Variants in INPP1 observed in about 807,000 individuals in gnomAD.
INPP1 encodes the protein inositol polyphosphate 1-phosphatase.
In INPP1, 18 loss-of-function variants were observed where a neutral mutation model predicts 23.0. The ratio of observed to expected loss-of-function variants is 0.78; its 90% CI spans 0.54 to 1.16. INPP1 has a LOEUF of 1.16. INPP1 is among the 50% of genes most tolerant of loss of function. The pLI is 0.00. For missense variants in INPP1, 448 were observed against 482.1 expected (o/e 0.93, Z 0.66); for synonymous variants, 164 against 176.3 (o/e 0.93, Z 0.55).
chr2:190,347,090 C>G (rs578080834), intron 1 of INPP1, among the ~76,000 whole-genome samples: 71 of 147,226 alleles, frequency 4.8e-4, no homozygotes, highest in African/African-American at 1.8e-3. Context: ...CGGCTCACAG[C>G]AACCTCTGCC....
In INPP1 at chr2:190,346,880, C is replaced by T. The variant is rs187932338; in HGVS notation, c.-208-2008C>T. On this transcript the variant is annotated intron_variant, in intron 1 of 6. Coordinates refer to ENST00000392329, the MANE Select transcript of INPP1 (RefSeq NM_001128928.2). This position sits in a 1 kb window ranked among gnomAD's most constrained non-coding sequence, Gnocchi z 5.1. ...TCAGCCTCCCAAAATGCTGGGACTA[C>T]AGGTGTGAGCTGCTGCACCCAGCCT... Among the ~76,000 whole-genome samples the T allele has an allele frequency of 3.0e-4, 45 of 152,208 alleles. No homozygotes were observed. The highest frequency in any genetic ancestry group is 2.6e-4 in the African/African-American group (11 of 41,530).
rs1384459478 is a variant in INPP1 at position 190,371,193 on chromosome 2, ATAG to A, written c.995_997del (p.Val332del). ...CATACTGAGGGCCATGGGTGGGGGA[ATAG>A]TAGACTTGAAAGAATGCTTAGAAAG... On this transcript the variant is annotated inframe_deletion, in exon 7 of 7. Coordinates refer to ENST00000392329, the MANE Select transcript of INPP1 (RefSeq NM_001128928.2). This position sits in a 1 kb window ranked among gnomAD's most constrained non-coding sequence, Gnocchi z 5.3. 48 of 1,613,878 alleles carry A rather than the reference ATAG, an allele frequency of 3.0e-5. No homozygotes were observed. Among genetic ancestry groups the A allele is most frequent in the Non-Finnish European group, 3.1e-5 (37 of 1,179,860 alleles).
chr2:190,364,350 T>C (rs1689595191), intron 4 of INPP1, among the ~76,000 whole-genome samples: 1 of 151,940 alleles, frequency 6.6e-6, no homozygotes, highest in African/African-American at 2.4e-5. Context: ...CCATCCTGGC[T>C]AACACGGTGA....
intron 1 of INPP1, among the ~76,000 whole-genome samples, chr2:190,344,477 C>T (rs1447088324): frequency 1.3e-5 from 2 of 152,176 alleles, no homozygotes; most frequent in Non-Finnish European, 2.9e-5. Context: ...CAGTGACCTA[C>T]TTGATGAGTG....
rs904678853 is a variant in INPP1 at position 190,368,565 on chromosome 2, C to T, written c.467-538C>T. 24 of 152,260 alleles carry T rather than the reference C, an allele frequency of 1.6e-4. No homozygotes were observed. The highest frequency in any genetic ancestry group is 5.3e-4 in the African/African-American group (22 of 41,534). The allele number at this position is 152,260 out of a possible 1,614,324, so 9.4% of individuals were successfully genotyped here. A position where few individuals can be genotyped will look rare whatever the true frequency, so the allele number is the denominator to read the frequency against. ...ACACAGGCACACAATGTGAGATAAG[C>T]ACATCATAGAGAATGGGGTATCCAT... is the stretch of plus-strand genomic sequence containing the variant. On this transcript the variant is annotated intron_variant, in intron 5 of 6. Transcript: ENST00000392329. This position sits in a 1 kb window ranked among gnomAD's most constrained non-coding sequence, Gnocchi z 4.3.
rs1180491191 is a variant in INPP1, at chr2:190,345,605, C to T, written c.-209+1644C>T. 6.6e-6 allele frequency: 1 copy of T among 152,058 alleles called. No homozygotes were observed. The highest frequency in any genetic ancestry group is 1.5e-5 in the Non-Finnish European group (1 of 68,006). 9.4% of individuals were successfully genotyped at this position (152,058 alleles called of 1,614,324 possible). On this transcript the variant is annotated intron_variant, in intron 1 of 6. Coordinates refer to ENST00000392329, the MANE Select transcript of INPP1 (RefSeq NM_001128928.2). This position sits in a 1 kb window ranked among gnomAD's most constrained non-coding sequence, Gnocchi z 4.9. Reference sequence around the variant, plus strand: ...GGATGGTGTATATAAGCACTTTTTCCCGATGTGAGTCCTTATGAATGTTCT... The same window carrying T: ...GGATGGTGTATATAAGCACTTTTTCTCGATGTGAGTCCTTATGAATGTTCT...
Position 190,367,159 on chromosome 2 carries a change from A to G in INPP1, c.466+264A>G, listed in dbSNP as rs1689697235. Among the ~76,000 whole-genome samples, 1 of 152,196 alleles carries G rather than the reference A, an allele frequency of 6.6e-6. No homozygotes were observed. Among genetic ancestry groups the G allele is most frequent in the African/African-American group, 2.4e-5 (1 of 41,430 alleles). On this transcript the variant is annotated intron_variant, in intron 5 of 6. Coordinates refer to ENST00000392329, the MANE Select transcript of INPP1 (RefSeq NM_001128928.2). The surrounding 1 kb of genome is among the most constrained non-coding windows in gnomAD (Gnocchi z 4.1). ...TACACACACATACATACAGGCACAC[A>G]TGCAAAGATGAATTAACTTCTCTTC...
In INPP1 at chr2:190,352,840, A is replaced by G. The variant is rs1689347290; in HGVS notation, c.-65+3809A>G. ...AGAAACACCTTCTTGTAAAACACCC[A>G]GATATTTCACGGAAGCTTGGCCTTT... On this transcript the variant is annotated intron_variant, in intron 2 of 6. Transcript: ENST00000392329. The surrounding 1 kb of genome is among the most constrained non-coding windows in gnomAD (Gnocchi z 4.7). Among the ~76,000 whole-genome samples the G allele has an allele frequency of 6.6e-6, 1 of 152,222 alleles. No homozygotes were observed. The highest frequency in any genetic ancestry group is 1.5e-5 in the Non-Finnish European group (1 of 68,042).
intron 6 of INPP1, among the ~76,000 whole-genome samples, chr2:190,369,931 T>C (rs1386816347): frequency 1.3e-5 from 2 of 152,232 alleles, no homozygotes; most frequent in Non-Finnish European, 2.9e-5. Flanking sequence ...TTCACTTATA[T>C]AGGATTACAT....
chr2:190,366,039 C>G (rs1232695842), intron 4 of INPP1, among the ~76,000 whole-genome samples: 1 of 117,452 alleles, frequency 8.5e-6, no homozygotes, highest in African/African-American at 3.6e-5. Flanking sequence ...CGCTCTCTGT[C>G]TCACTCTTTT....
intron 1 of INPP1, among the ~76,000 whole-genome samples, chr2:190,344,797 T>C (rs1310190170): frequency 6.6e-6 from 1 of 152,236 alleles, no homozygotes; most frequent in African/African-American, 2.4e-5. Flanking sequence ...GTTTGCCCAC[T>C]GTATGATGGT....
At position 190,371,452 on chromosome 2, in the gene INPP1, T is replaced by C; in HGVS notation, c.*50T>C. On this transcript the variant is annotated 3_prime_UTR_variant, in exon 7 of 7. Transcript: ENST00000392329. The surrounding 1 kb of genome is among the most constrained non-coding windows in gnomAD (Gnocchi z 5.3). ...GTATAAACTGAACTGTGAAACTGTTTCGGTTATCTCTGTCTTTTGAGGATG... is the reference window on the plus strand; with the variant it reads ...GTATAAACTGAACTGTGAAACTGTTCCGGTTATCTCTGTCTTTTGAGGATG... 1.4e-6 allele frequency: 2 copies of C among 1,386,572 alleles called. No individual in the cohort carries two copies. Among genetic ancestry groups the C allele is most frequent in the African/African-American group, 1.4e-5 (1 of 69,240 alleles). 85.9% of individuals were successfully genotyped at this position (1,386,572 alleles called of 1,614,324 possible).
chr2:190,366,708 C>A lies in INPP1; in HGVS notation c.279C>A (p.Thr93=). 1.2e-6 allele frequency: 2 copies of A among 1,611,946 alleles called. No individual in the cohort carries two copies. The highest frequency in any genetic ancestry group is 1.7e-6 in the Non-Finnish European group (2 of 1,178,098). ...GCTTTACCCTAGGGGAAAAGATTAC[C>A]TTGAGGTTGTGTTCAACAGAGGAGG... The part of the protein sequence containing the change: ...EFTNDWGEKI[T]LRLCSTEEET... The change falls in exon 5 of 7, where the codon ACC becomes ACA. Residue 93 remains threonine (T), a synonymous_variant. Coordinates refer to ENST00000392329, the MANE Select transcript of INPP1 (RefSeq NM_001128928.2).
intron 2 of INPP1, among the ~76,000 whole-genome samples, chr2:190,358,570 C>T (rs1350140646): frequency 6.6e-6 from 1 of 152,172 alleles, no homozygotes; most frequent in East Asian, 1.9e-4. Context: ...AATAAATAGC[C>T]TGGGCTTGTG....
chr2:190,361,262 T>C (rs55927088), intron 3 of INPP1, among the ~76,000 whole-genome samples: 2,048 of 152,350 alleles, frequency 0.013, 58 homozygotes, highest in African/African-American at 0.045. Context: ...TTATATTGCC[T>C]TTTATATGAT....
In INPP1 at chr2:190,367,471, T is replaced by C. The variant is rs1447474257; in HGVS notation, c.466+576T>C. On this transcript the variant is annotated intron_variant, in intron 5 of 6. Coordinates refer to ENST00000392329, the MANE Select transcript of INPP1 (RefSeq NM_001128928.2). This position sits in a 1 kb window ranked among gnomAD's most constrained non-coding sequence, Gnocchi z 4.1. ...AGCTGAATGTGACGCATGAGCAGTT[T>C]GTGAGCCCTGCATGAGCTCTACATT... 6.6e-6 allele frequency among the ~76,000 whole-genome samples: 1 copy of C among 152,264 alleles called. No homozygotes were observed. Among genetic ancestry groups the C allele is most frequent in the Non-Finnish European group, 1.5e-5 (1 of 68,044 alleles).
rs1689722993 is a variant in INPP1 at position 190,368,209 on chromosome 2, T to C, written c.467-894T>C. On this transcript the variant is annotated intron_variant, in intron 5 of 6. Coordinates refer to ENST00000392329, the MANE Select transcript of INPP1 (RefSeq NM_001128928.2). The surrounding 1 kb of genome is among the most constrained non-coding windows in gnomAD (Gnocchi z 4.3). The stretch of plus-strand genomic sequence containing the variant: ...GGTTCCACCCTGAATTGATTCTGTT[T>C]TTGAGCTCTTTGAGTCTTTTGCCAG... Among the ~76,000 whole-genome samples the C allele has an allele frequency of 6.6e-6, 1 of 152,226 alleles. No homozygotes were observed. Among genetic ancestry groups the C allele is most frequent in the South Asian group, 2.1e-4 (1 of 4,832 alleles).
intron 2 of INPP1, among the ~76,000 whole-genome samples, chr2:190,353,918 T>A (rs1466127977): frequency 6.6e-6 from 1 of 152,242 alleles, no homozygotes; most frequent in Non-Finnish European, 1.5e-5. Flanking sequence ...AGAACCTTTT[T>A]TCCTTCTGAC....
intron 1 of INPP1, 31 bp from the exon 2 acceptor site, chr2:190,348,857 T>C (rs548497789): frequency 4.3e-4 from 66 of 152,308 alleles, no homozygotes; most frequent in African/African-American, 1.3e-3. Flanking sequence ...TTTCTTTTCC[T>C]TTTTTATGTT....
Sources: allele counts gnomAD v4.1 joint callset (sites outside exome capture counted in the v4.1 genomes callset), GRCh38; gene constraint gnomAD v4.1.1; non-coding constraint Gnocchi (gnomAD v3.1); transcripts MANE v1.5; gene names NCBI Gene and HGNC (gene_info 2026-07-23, HGNC 2026-07-21).